Variants in CCDC138 observed in about 807,000 individuals in gnomAD.
CCDC138 encodes coiled-coil domain containing 138, also known as coiled-coil domain-containing protein 138.
CCDC138 carries 66 observed loss-of-function variants against 82.3 expected under a neutral mutation model. The observed-to-expected ratio is 0.80, with a 90% CI of 0.66 to 0.98. CCDC138 has a LOEUF of 0.98. Ranked by LOEUF, CCDC138 falls within the 50% of genes least tolerant of loss-of-function variation. CCDC138 has a pLI of 0.00. For missense variants in CCDC138, 816 were observed against 758.9 expected, an observed-to-expected ratio of 1.08 and a Z score of -0.88; for synonymous variants, 297 against 265.4, an observed-to-expected ratio of 1.12 and a Z score of -1.16.
chr2:108,809,374 A>G (rs967868586), intron 7 of CCDC138, among the ~76,000 whole-genome samples: 2 of 151,998 alleles, frequency 1.3e-5, no homozygotes, highest in Admixed American at 1.3e-4. Flanking sequence ...ATTTTAATAA[A>G]CATTATGTTG....
At position 108,812,924 on chromosome 2, in the gene CCDC138, C is replaced by A. The variant is rs1272812906; in HGVS notation, c.1038C>A (p.Tyr346Ter). 2.5e-6 allele frequency: 4 copies of A among 1,612,790 alleles called. No homozygotes were observed. The highest frequency in any genetic ancestry group is 4.5e-5 in the East Asian group (2 of 44,826). Residue 346 changes from tyrosine (Y) to a stop codon, truncating the protein, a stop_gained, in exon 9 of 15, where the codon TAC becomes TAA. Coordinates refer to ENST00000295124, the MANE Select transcript of CCDC138 (RefSeq NM_144978.3). LOFTEE classifies it high-confidence loss of function. ...AAAAAGCACCAGTTTCAAAAACTTA[C>A]AAGGTAAGTTTGAATTATGATTTGA... ...KQEKAPVSKT[Y>*]KVPLNGQVYE...
At chr2:108,853,819 A>C (rs1691946776) in intron 12 of CCDC138, among the ~76,000 whole-genome samples, 1 of 139,516 alleles carries the variant, frequency 7.2e-6, no homozygotes, top group South Asian at 2.1e-4. Flanking sequence ...AGCCATCCCC[A>C]GCCAACTGTC....
chr2:108,788,840 T>A lies in CCDC138; in HGVS notation c.152-12T>A. The A allele has an allele frequency of 6.2e-7, 1 of 1,613,990 alleles. No individual in the cohort carries two copies. Among genetic ancestry groups the A allele is most frequent in the Non-Finnish European group, 8.5e-7 (1 of 1,179,928 alleles). ...TTGTGGTAATCTTTCATGGTTTCTT[T>A]GTCGTTGACAGGTGATTTGGATATC... On this transcript the variant is annotated splice_polypyrimidine_tract_variant and intron_variant, in intron 2 of 14. Transcript: ENST00000295124.
At chr2:108,884,202 C>A in intron 2 of CCDC138, 1 of 152,570 alleles carries the variant, frequency 6.6e-6, no homozygotes, top group South Asian at 2.0e-4. Flanking sequence ...TGCACCTGCC[C>A]AATGATGTGA....
At chr2:108,802,841 G>C (rs569752667) in intron 6 of CCDC138, among the ~76,000 whole-genome samples, 13 of 152,168 alleles carry the variant, frequency 8.5e-5, no homozygotes, top group African/African-American at 2.4e-4. Context: ...CAGCATGAAG[G>C]GTTGTTGAAT....
chr2:108,826,492 A>T (rs1686618572), intron 10 of CCDC138, among the ~76,000 whole-genome samples: 1 of 152,120 alleles, frequency 6.6e-6, no homozygotes, highest in Admixed American at 6.6e-5. Context: ...TTGTTTCAGC[A>T]TCATTAGTTG....
At chr2:108,848,787 CA>C (rs1439787523) in intron 12 of CCDC138, among the ~76,000 whole-genome samples, 1 of 152,024 alleles carries the variant, frequency 6.6e-6, no homozygotes, top group East Asian at 1.9e-4. Flanking sequence ...TTTAATAAAT[CA>C]AAATAGGACA....
chr2:108,869,178 T>A (rs1206472695), intron 13 of CCDC138, among the ~76,000 whole-genome samples: 2 of 152,082 alleles, frequency 1.3e-5, no homozygotes, highest in African/African-American at 4.8e-5. Flanking sequence ...ACAGACAGAC[T>A]AAAATAACTT....
At chr2:108,841,896 G>A (rs940826034) in intron 11 of CCDC138, among the ~76,000 whole-genome samples, 9 of 152,008 alleles carry the variant, frequency 5.9e-5, no homozygotes, top group Non-Finnish European at 2.9e-5. Context: ...TGTATTGAGT[G>A]TATCTCTTTG....
chr2:108,807,286 TATA>T (rs1214726012), intron 7 of CCDC138, among the ~76,000 whole-genome samples: 1 of 152,182 alleles, frequency 6.6e-6, no homozygotes, highest in African/African-American at 2.4e-5. Context: ...TTTTTGCCTA[TATA>T]ATAAGTCTAT....
Position 108,794,690 on chromosome 2 carries a change from A to G in CCDC138, c.545A>G (p.Asp182Gly). Residue 182 changes from aspartate (D) to glycine (G), a missense_variant, in exon 5 of 15, where the codon GAC (aspartate) becomes GGC (glycine). Asp to Gly is a moderately conservative substitution (Grantham distance 94, BLOSUM62 -1). Transcript: ENST00000295124. The stretch of plus-strand genomic sequence containing the variant: ...CCACATCAGATCAGTCAGATATATG[A>G]CGAATTATTTCAGATACATCTGAAA... ...LLPHQISQIY[D>G]ELFQIHLKLQ... 3 of 1,613,532 alleles carry G rather than the reference A, an allele frequency of 1.9e-6. No individual in the cohort carries two copies. Among genetic ancestry groups the G allele is most frequent in the Middle Eastern group, 1.6e-4 (1 of 6,062 alleles).
chr2:108,798,732 C>T, intron 6 of CCDC138, 146 bp downstream of exon 6: 2 of 560,392 alleles, frequency 3.6e-6, no homozygotes, highest in Non-Finnish European at 6.2e-6. Flanking sequence ...CACACACACA[C>T]ACACACACTT....
At chr2:108,812,990 C>G (rs1684143724) in intron 9 of CCDC138, 63 bp downstream of exon 9, 1 of 1,379,734 alleles carries the variant, frequency 7.2e-7, no homozygotes, top group South Asian at 1.2e-5. Context: ...TGGCTCACAC[C>G]TGTAATCCCA....
At chr2:108,810,994 GTC>G (rs1683709819) in intron 7 of CCDC138, among the ~76,000 whole-genome samples, 1 of 152,096 alleles carries the variant, frequency 6.6e-6, no homozygotes, top group Admixed American at 6.5e-5. Flanking sequence ...GATCTCTGTA[GTC>G]TCTAGTGATC....
At position 108,808,788 on chromosome 2, in the gene CCDC138, A is replaced by G. The variant is rs576059862; in HGVS notation, c.855+3780A>G. On this transcript the variant is annotated intron_variant, in intron 7 of 14. Transcript: ENST00000295124. Reference sequence around the variant, plus strand: ...GAATAGTTTGCATATATTTTCTCCTATTCTGCAGGTTGTATCATTATTCTT... The same window carrying G: ...GAATAGTTTGCATATATTTTCTCCTGTTCTGCAGGTTGTATCATTATTCTT... 3.0e-4 allele frequency among the ~76,000 whole-genome samples: 46 copies of G among 152,162 alleles called. 2 individuals are homozygous for G. The highest frequency in any genetic ancestry group is 1.1e-3 in the African/African-American group (44 of 41,514).
At chr2:108,842,312 T>G (rs1358726999) in intron 11 of CCDC138, among the ~76,000 whole-genome samples, 1 of 152,100 alleles carries the variant, frequency 6.6e-6, no homozygotes, top group Non-Finnish European at 1.5e-5. Context: ...TTGTTGGAAT[T>G]ACAGACGTGA....
chr2:108,861,441 A>T, intron 13 of CCDC138, among the ~76,000 whole-genome samples: 4 of 131,322 alleles, frequency 3.0e-5, no homozygotes, highest in African/African-American at 1.0e-4. Context: ...TTCTTTTTTT[A>T]TGTAGACATT....
At chr2:108,837,427 A>G (rs1425124331) in intron 10 of CCDC138, among the ~76,000 whole-genome samples, 1 of 152,214 alleles carries the variant, frequency 6.6e-6, no homozygotes, top group Non-Finnish European at 1.5e-5. Context: ...ACCGCCATGC[A>G]CTGTATAATG....
At chr2:108,797,128 T>C (rs1484926187) in intron 5 of CCDC138, among the ~76,000 whole-genome samples, 1 of 152,158 alleles carries the variant, frequency 6.6e-6, no homozygotes, top group Non-Finnish European at 1.5e-5. Context: ...TACTTGGTAA[T>C]TTTAGCCATT....
Sources: gnomAD v4.1 joint callset for allele counts (sites outside exome capture counted in the v4.1 genomes callset) on GRCh38, gnomAD v4.1.1 for gene constraint, MANE v1.5 for transcripts, NCBI Gene and HGNC (gene_info 2026-07-23, HGNC 2026-07-21) for gene names.